LAMA4: variants seen among roughly 807,000 people sequenced by gnomAD.
LAMA4 encodes laminin subunit alpha-4.
In LAMA4, 127 loss-of-function variants were observed where a neutral mutation model predicts 207.1. The ratio of observed to expected loss-of-function variants is 0.61; its 90% CI spans 0.53 to 0.71. LAMA4 has a LOEUF of 0.71. Ranked by LOEUF, LAMA4 falls within the 30% of genes least tolerant of loss-of-function variation. The pLI is 0.00. For synonymous variants in LAMA4, 761 were observed against 816.0 expected (o/e 0.93, Z 1.15); for missense variants, 2,093 against 2,246.5 (o/e 0.93, Z 1.38).
At position 112,201,607 on chromosome 6, in the gene LAMA4, C is replaced by T. The variant is rs1783749049; in HGVS notation, c.503+1G>A. On this transcript the variant is annotated splice_donor_variant, in intron 5 of 38. Coordinates refer to ENST00000230538, the MANE Select transcript of LAMA4 (RefSeq NM_001105206.3). LOFTEE classifies it high-confidence loss of function. ...GAAAATAGAGAATTTTATTGGCTTACCTTTCACAGTTAGGTCCAGCATAAT... is the reference window on the plus strand; with the variant it reads ...GAAAATAGAGAATTTTATTGGCTTATCTTTCACAGTTAGGTCCAGCATAAT... 1 of 1,612,492 alleles carries T rather than the reference C, an allele frequency of 6.2e-7. No individual in the cohort carries two copies. Among genetic ancestry groups the T allele is most frequent in the Non-Finnish European group, 8.5e-7 (1 of 1,178,546 alleles).
rs1011262109 is a variant in LAMA4, at chr6:112,201,774, G to T, written c.423-86C>A. ...CTTTTTATCAGATTACCTCTATGTT[G>T]GTCCCATTAAAGTTCTAATGGGTGC... On this transcript the variant is annotated intron_variant, in intron 4 of 38. Transcript: ENST00000230538. The T allele has an allele frequency of 7.7e-5, 86 of 1,124,088 alleles. 1 individual carries two copies. The highest frequency in any genetic ancestry group is 1.1e-4 in the Non-Finnish European group (83 of 738,328). 69.6% of individuals were successfully genotyped at this position (1,124,088 alleles called of 1,614,324 possible).
rs1554331511 is a variant in LAMA4 at position 112,136,189 on chromosome 6, G to A, written c.3348C>T (p.Ser1116=). 2.5e-6 allele frequency: 4 copies of A among 1,612,058 alleles called. No individual in the cohort carries two copies. The highest frequency in any genetic ancestry group is 1.1e-5 in the South Asian group (1 of 91,056). The change falls in exon 25 of 39, where the codon AGC becomes AGT. Residue 1116 remains serine, a synonymous_variant. Transcript: ENST00000230538. The part of the protein sequence containing the change: ...YLHVFYDFGF[S]GGPVHLEDTL... ...TATCTTCAAGATGCACAGGGCCACC[G>A]CTGAATCCAAAATCATAGAACACAT... is the stretch of plus-strand genomic sequence containing the variant.
At chr6:112,221,394 T>A (rs1554360571) in intron 2 of LAMA4, among the ~76,000 whole-genome samples, 1 of 152,164 alleles carries the variant, frequency 6.6e-6, no homozygotes, top group South Asian at 2.1e-4. Flanking sequence ...AGAATTTGAT[T>A]CAACAACTTT....
intron 2 of LAMA4, among the ~76,000 whole-genome samples, chr6:112,220,788 T>A (rs2115080362): frequency 6.6e-6 from 1 of 152,296 alleles, no homozygotes; most frequent in African/African-American, 2.4e-5. Flanking sequence ...TTTTGAAGGA[T>A]AGTCCAGTAT....
intron 3 of LAMA4, chr6:112,214,090 G>A (rs1554357796): frequency 2.1e-5 from 15 of 724,452 alleles, no homozygotes; most frequent in Admixed American, 6.0e-5. Flanking sequence ...CGGCACCAAA[G>A]GAAACAGAAA....
intron 38 of LAMA4, among the ~76,000 whole-genome samples, chr6:112,110,486 G>A (rs1380155728): frequency 6.6e-6 from 1 of 152,178 alleles, no homozygotes; most frequent in African/African-American, 2.4e-5. Context: ...GCAATGTAGG[G>A]TAAGAATATG....
chr6:112,220,213 A>G (rs782362473), intron 2 of LAMA4, among the ~76,000 whole-genome samples: 9 of 152,158 alleles, frequency 5.9e-5, no homozygotes, highest in Non-Finnish European at 1.2e-4. Context: ...CCTTCCACTA[A>G]GTTACTTGTA....
intron 17 of LAMA4, among the ~76,000 whole-genome samples, chr6:112,149,688 C>T (rs896053697): frequency 1.4e-4 from 21 of 152,196 alleles, no homozygotes; most frequent in African/African-American, 4.3e-4. Flanking sequence ...TTCATAGCAG[C>T]GTGAGAACGG....
At chr6:112,247,840 A>G (rs1184617432) in intron 2 of LAMA4, among the ~76,000 whole-genome samples, 6 of 152,360 alleles carry the variant, frequency 3.9e-5, no homozygotes, top group Non-Finnish European at 7.3e-5. Context: ...AACGACCCAA[A>G]TGTCCATCAA....
intron 2 of LAMA4, among the ~76,000 whole-genome samples, chr6:112,240,170 C>T (rs62414016): frequency 0.27 from 40,537 of 152,082 alleles, 6,521 homozygotes; most frequent in Non-Finnish European, 0.37. Flanking sequence ...TCTAAACCTT[C>T]GTTAGTTGTC....
chr6:112,114,693 G>C lies in LAMA4; in HGVS notation c.5176C>G (p.Leu1726Val), dbSNP rs1554322886. 6.2e-7 allele frequency: 1 copy of C among 1,613,142 alleles called. No individual in the cohort carries two copies. The highest frequency in any genetic ancestry group is 1.7e-5 in the Admixed American group (1 of 59,964). Residue 1726 changes from leucine to valine, a missense_variant, in exon 37 of 39, where the codon CTC (leucine) becomes GTC (valine). Around this residue, in one of 3 missense-constraint regions of LAMA4, gnomAD observed 383 missense variants for 437.8 expected, o/e 0.87. Transcript: ENST00000230538. ...ATTCTGTGCCATCTGCCATCACAGA[G>C]ACTCTGCTTGGGTGTAACTGAGGTG... ...FSTSVTPKQS[L>V]CDGRWHRITV...
chr6:112,202,580 T>A (rs1554352961), intron 4 of LAMA4, among the ~76,000 whole-genome samples: 1 of 152,140 alleles, frequency 6.6e-6, no homozygotes, highest in East Asian at 1.9e-4. Flanking sequence ...ACCCTAATGG[T>A]GTTTGGAGGA....
At chr6:112,239,186 T>C (rs1430792121) in intron 2 of LAMA4, among the ~76,000 whole-genome samples, 1 of 152,004 alleles carries the variant, frequency 6.6e-6, no homozygotes, top group Non-Finnish European at 1.5e-5. Context: ...CTGGGTGTGG[T>C]GGCAGGCACC....
At chr6:112,128,452 G>A (rs2114632279) in intron 31 of LAMA4, among the ~76,000 whole-genome samples, 1 of 152,258 alleles carries the variant, frequency 6.6e-6, no homozygotes, top group Admixed American at 6.5e-5. Context: ...AGGATAGGCT[G>A]AGGTTGGTTA....
intron 12 of LAMA4, chr6:112,172,410 A>G (rs1182125434): frequency 5.1e-6 from 3 of 589,182 alleles, no homozygotes; most frequent in Non-Finnish European, 9.0e-6. Flanking sequence ...CAAAGCAAGA[A>G]CTAGACAATT....
chr6:112,168,952 C>A (rs1381746215), intron 12 of LAMA4, among the ~76,000 whole-genome samples: 1 of 152,080 alleles, frequency 6.6e-6, no homozygotes, highest in Non-Finnish European at 1.5e-5. Context: ...ACACCATGAG[C>A]AAAGGCAATA....
intron 12 of LAMA4, among the ~76,000 whole-genome samples, chr6:112,171,196 T>C (rs1397147068): frequency 4.6e-5 from 7 of 152,136 alleles, no homozygotes; most frequent in African/African-American, 7.2e-5. Flanking sequence ...TTGATTTCAT[T>C]TCCTTTTATC....
chr6:112,221,475 A>C (rs1429081424), intron 2 of LAMA4, among the ~76,000 whole-genome samples: 2 of 152,168 alleles, frequency 1.3e-5, no homozygotes, highest in African/African-American at 4.8e-5. Flanking sequence ...CTCTAAATTC[A>C]TTCACTGGTG....
intron 38 of LAMA4, among the ~76,000 whole-genome samples, 168 bp downstream of exon 38, chr6:112,113,908 A>G (rs1583624849): frequency 6.6e-6 from 1 of 152,222 alleles, no homozygotes; most frequent in African/African-American, 2.4e-5. Context: ...GCTGGGGTCT[A>G]GTTCTTACAT....
Sources: allele counts gnomAD v4.1 joint callset (sites outside exome capture counted in the v4.1 genomes callset), GRCh38; gene constraint gnomAD v4.1.1; regional missense constraint gnomAD v4.1.1; transcripts MANE v1.5; gene names NCBI Gene and HGNC (gene_info 2026-07-23, HGNC 2026-07-21).